RSPO3: variants seen among roughly 807,000 people sequenced by gnomAD.
The protein encoded by RSPO3 is R-spondin 3, also known as R-spondin-3.
Under a neutral mutation model 36.5 loss-of-function variants are expected in RSPO3, and 17 were observed. The observed-to-expected ratio is 0.47, with a 90% confidence interval of 0.32 to 0.70. RSPO3 has a LOEUF of 0.70. Among genes scored for constraint, RSPO3 ranks in the 30% least tolerant of loss-of-function variants. The pLI is 0.04. For synonymous variants in RSPO3, 108 were observed against 107.0 expected (o/e 1.01, Z -0.06); for missense variants, 294 against 322.5 (o/e 0.91, Z 0.68).
chr6:127,153,623 T>C (rs1396324881), intron 3 of RSPO3, among the ~76,000 whole-genome samples: 1 of 152,118 alleles, frequency 6.6e-6, no homozygotes, highest in African/African-American at 2.4e-5. Flanking sequence ...GTTTTTCTAA[T>C]GTCCAAGTGT....
intron 1 of RSPO3, among the ~76,000 whole-genome samples, chr6:127,142,789 GT>G (rs764561990): frequency 2.0e-5 from 3 of 150,946 alleles, no homozygotes; most frequent in Non-Finnish European, 4.4e-5. Context: ...CTTTCTGGTT[GT>G]TTTTTTTGTT....
chr6:127,174,703 A>G (rs1775013863), intron 4 of RSPO3, among the ~76,000 whole-genome samples: 1 of 151,874 alleles, frequency 6.6e-6, no homozygotes, highest in Admixed American at 6.6e-5. Context: ...TTAACACTTC[A>G]ATAATAAAAT....
At chr6:127,168,614 T>C (rs1256404622) in intron 4 of RSPO3, among the ~76,000 whole-genome samples, 3 of 152,116 alleles carry the variant, frequency 2.0e-5, no homozygotes, top group Non-Finnish European at 2.9e-5. Flanking sequence ...TAGATCCCAT[T>C]TGTCAATTTT....
chr6:127,132,839 C>T (rs1774085117), intron 1 of RSPO3, among the ~76,000 whole-genome samples: 1 of 152,048 alleles, frequency 6.6e-6, no homozygotes, highest in South Asian at 2.1e-4. Flanking sequence ...CAATTAAAAA[C>T]CTCAGAAACT....
intron 4 of RSPO3, among the ~76,000 whole-genome samples, chr6:127,177,551 C>T (rs193222427): frequency 7.9e-5 from 12 of 151,794 alleles, no homozygotes; most frequent in African/African-American, 2.4e-4. Context: ...AAGTGCTGAT[C>T]ATAAGACTTA....
intron 4 of RSPO3, among the ~76,000 whole-genome samples, chr6:127,180,748 C>T (rs1489949478): frequency 6.6e-6 from 1 of 151,714 alleles, no homozygotes; most frequent in Non-Finnish European, 1.5e-5. Context: ...ATTCACTCAG[C>T]TGTTTTATAG....
Position 127,196,130 on chromosome 6 carries a change from TC to T in RSPO3, c.*126del. 1 of 721,004 alleles carries T rather than the reference TC, an allele frequency of 1.4e-6. No homozygotes were observed. The highest frequency in any genetic ancestry group is 2.1e-6 in the Non-Finnish European group (1 of 473,960). 44.7% of individuals were successfully genotyped at this position (721,004 alleles called of 1,614,324 possible). On this transcript the variant is annotated 3_prime_UTR_variant, in exon 5 of 5. Transcript: ENST00000356698. Reference sequence around the variant, plus strand: ...AGTTATTGCTCTGTCTAAACAACATTCCCAGTAGTTGCTATATTCTTCATAC... The same window carrying T: ...AGTTATTGCTCTGTCTAAACAACATTCCAGTAGTTGCTATATTCTTCATAC...
intron 1 of RSPO3, among the ~76,000 whole-genome samples, chr6:127,128,342 CTTTAAAAAGATA>C (rs774749208): frequency 4.1e-4 from 62 of 151,162 alleles, no homozygotes; most frequent in Non-Finnish European, 7.1e-4. Flanking sequence ...TCCTGGGGAT[CTTTAAAAAGATA>C]CTAATGCCCA....
chr6:127,155,183 C>T (rs1774568073), intron 3 of RSPO3, 58 bp from the exon 4 acceptor site: 1 of 1,541,620 alleles, frequency 6.5e-7, no homozygotes, highest in Non-Finnish European at 9.0e-7. Context: ...TTTTTTAACT[C>T]AACAATAGTG....
intron 1 of RSPO3, among the ~76,000 whole-genome samples, chr6:127,122,036 T>C (rs1430757704): frequency 1.3e-5 from 2 of 152,346 alleles, no homozygotes; most frequent in East Asian, 1.9e-4. Flanking sequence ...TAGGAAACTT[T>C]TTTGTAAACA....
At chr6:127,174,928 C>T (rs1775019904) in intron 4 of RSPO3, among the ~76,000 whole-genome samples, 1 of 151,688 alleles carries the variant, frequency 6.6e-6, no homozygotes, top group Non-Finnish European at 1.5e-5. Flanking sequence ...GCAGCTTTAT[C>T]TTAAACTTTA....
chr6:127,130,538 C>A (rs1163278069), intron 1 of RSPO3, among the ~76,000 whole-genome samples: 1 of 152,128 alleles, frequency 6.6e-6, no homozygotes, highest in Non-Finnish European at 1.5e-5. Flanking sequence ...TTGTGCACTG[C>A]ACACATCTAA....
intron 4 of RSPO3, among the ~76,000 whole-genome samples, chr6:127,169,492 T>C (rs1039705860): frequency 3.3e-5 from 5 of 151,910 alleles, no homozygotes; most frequent in African/African-American, 9.7e-5. Context: ...TTAAGAAGAC[T>C]TATGTTAGAA....
At chr6:127,149,445 C>T (rs1582795470) in intron 2 of RSPO3, among the ~76,000 whole-genome samples, 1 of 152,010 alleles carries the variant, frequency 6.6e-6, no homozygotes, top group Admixed American at 6.6e-5. Flanking sequence ...ATCTTCCCAC[C>T]TCAAGCCTTT....
At chr6:127,157,517 G>A (rs1774617102) in intron 4 of RSPO3, among the ~76,000 whole-genome samples, 1 of 152,014 alleles carries the variant, frequency 6.6e-6, no homozygotes, top group African/African-American at 2.4e-5. Context: ...ATCACAAGAA[G>A]TTTGAAATAG....
At chr6:127,159,691 C>A (rs113749843) in intron 4 of RSPO3, among the ~76,000 whole-genome samples, 9,320 of 147,570 alleles carry the variant, frequency 0.063, 612 homozygotes, top group African/African-American at 0.17. Flanking sequence ...CTCTGTCGCC[C>A]AGGCTGGAGT....
intron 2 of RSPO3, among the ~76,000 whole-genome samples, chr6:127,149,460 T>A (rs886356722): frequency 1.3e-5 from 2 of 152,030 alleles, no homozygotes; most frequent in Non-Finnish European, 2.9e-5. Context: ...GCCTTTGCAA[T>A]TGTGTTCTAC....
At chr6:127,131,392 A>G (rs914525621) in intron 1 of RSPO3, among the ~76,000 whole-genome samples, 3 of 152,118 alleles carry the variant, frequency 2.0e-5, no homozygotes, top group Admixed American at 2.0e-4. Context: ...TGAACTGAGT[A>G]TGTGCTCTAA....
chr6:127,174,229 GTTTCC>G (rs1775000751), intron 4 of RSPO3, among the ~76,000 whole-genome samples: 1 of 151,850 alleles, frequency 6.6e-6, no homozygotes, highest in African/African-American at 2.4e-5. Flanking sequence ...ACATGGATAT[GTTTCC>G]TTTAATTTGT....
Sources: allele counts gnomAD v4.1 joint callset (sites outside exome capture counted in the v4.1 genomes callset), GRCh38; gene constraint gnomAD v4.1.1; transcripts MANE v1.5; gene names NCBI Gene and HGNC (gene_info 2026-07-23, HGNC 2026-07-21).